The following CFAP44 variants were observed in gnomAD, a reference collection of about 807,000 sequenced individuals.
CFAP44 encodes cilia- and flagella-associated protein 44.
In CFAP44, 134 loss-of-function variants were observed where a neutral mutation model predicts 216.2. That is an observed-to-expected ratio of 0.62 (90% CI 0.54 to 0.72). CFAP44 has a LOEUF of 0.72. CFAP44 is among the 30% of genes least tolerant of loss of function. The pLI, the probability that CFAP44 is intolerant of heterozygous loss-of-function variation, is 0.00. For synonymous variants in CFAP44, 700 were observed against 727.6 expected (o/e 0.96, Z 0.61); for missense variants, 2,035 against 2,182.1 (o/e 0.93, Z 1.34).
intron 28 of CFAP44, among the ~76,000 whole-genome samples, chr3:113,309,856 G>C (rs1950022097): frequency 6.6e-6 from 1 of 152,112 alleles, no homozygotes; most frequent in Non-Finnish European, 1.5e-5. Flanking sequence ...TGGCAGCCTA[G>C]AAACACCAAC....
intron 18 of CFAP44, among the ~76,000 whole-genome samples, chr3:113,371,066 C>G (rs934227205): frequency 2.0e-4 from 30 of 152,064 alleles, no homozygotes; most frequent in African/African-American, 7.2e-4. Flanking sequence ...AACCACTGCT[C>G]AATGAAATAA....
chr3:113,381,061 C>A lies in CFAP44; in HGVS notation c.1891-1G>T. 4 of 1,535,590 alleles carry A rather than the reference C, an allele frequency of 2.6e-6. No individual in the cohort carries two copies. Among genetic ancestry groups the A allele is most frequent in the Non-Finnish European group, 3.5e-6 (4 of 1,147,188 alleles). On this transcript the variant is annotated splice_acceptor_variant, in intron 15 of 34. Coordinates refer to ENST00000393845, the MANE Select transcript of CFAP44 (RefSeq NM_001164496.2). LOFTEE classifies it high-confidence loss of function. ...AGATAATTAGTAAAGTACTTTCAGG[C>A]TAAAAAAGAAAAATTGAACATATTT...
At chr3:113,369,912 C>T (rs918424759) in intron 18 of CFAP44, among the ~76,000 whole-genome samples, 5 of 152,110 alleles carry the variant, frequency 3.3e-5, no homozygotes, top group African/African-American at 1.2e-4. Context: ...CCACTGATCC[C>T]ACAGAAATAC....
In CFAP44 at chr3:113,291,659, C is replaced by T. The variant is rs1452032338; in HGVS notation, c.5463G>A (p.Ser1821=). 7.2e-6 allele frequency: 11 copies of T among 1,537,210 alleles called. No individual in the cohort carries two copies. Among genetic ancestry groups the T allele is most frequent in the South Asian group, 4.8e-5 (4 of 84,036 alleles). Residue 1821 remains serine, a synonymous_variant, in exon 35 of 35, where the codon TCG becomes TCA. Transcript: ENST00000393845. ...ELIQLQAERI[S]ALKEEIALLR... ...AAAGAGCAATCTCCTCCTTTAAGGCCGAAATCCTTTCCGCCTGGAGTTGGA... is the reference window on the plus strand; with the variant it reads ...AAAGAGCAATCTCCTCCTTTAAGGCTGAAATCCTTTCCGCCTGGAGTTGGA...
chr3:113,324,075 T>C (rs1052512406), intron 28 of CFAP44, among the ~76,000 whole-genome samples: 2 of 146,928 alleles, frequency 1.4e-5, no homozygotes, highest in African/African-American at 5.1e-5. Flanking sequence ...AAATAGATCA[T>C]TTGAACAACC....
At chr3:113,426,537 G>A (rs923243656) in intron 3 of CFAP44, among the ~76,000 whole-genome samples, 1 of 152,168 alleles carries the variant, frequency 6.6e-6, no homozygotes, top group Admixed American at 6.5e-5. Flanking sequence ...AGAAGGACAT[G>A]TTTGCTTCCC....
intron 32 of CFAP44, among the ~76,000 whole-genome samples, chr3:113,299,122 G>A (rs1373082012): frequency 1.3e-5 from 2 of 152,124 alleles, no homozygotes; most frequent in African/African-American, 4.8e-5. Context: ...AAAGTAAAAA[G>A]ATAACTCACA....
intron 28 of CFAP44, among the ~76,000 whole-genome samples, chr3:113,323,291 G>A (rs866686541): frequency 6.6e-6 from 1 of 152,316 alleles, no homozygotes; most frequent in Middle Eastern, 3.4e-3. Flanking sequence ...CATAAAAAAA[G>A]AATGAAATCA....
chr3:113,348,224 C>T (rs543262050), intron 22 of CFAP44, among the ~76,000 whole-genome samples: 55 of 152,120 alleles, frequency 3.6e-4, no homozygotes, highest in South Asian at 4.2e-4. Context: ...AAATCAAAAC[C>T]GCGGGCGGTT....
chr3:113,359,266 G>T (rs1221383999), intron 21 of CFAP44, among the ~76,000 whole-genome samples: 1 of 152,128 alleles, frequency 6.6e-6, no homozygotes, highest in Non-Finnish European at 1.5e-5. Context: ...ACCCCACCCA[G>T]GAAAGATAGC....
At chr3:113,327,563 G>A (rs1950199295) in intron 27 of CFAP44, 53 bp downstream of exon 27, 2 of 1,447,488 alleles carry the variant, frequency 1.4e-6, no homozygotes, top group Non-Finnish European at 1.9e-6. Flanking sequence ...AAGAAATCAA[G>A]TTTCTCCATA....
intron 34 of CFAP44, among the ~76,000 whole-genome samples, chr3:113,293,425 A>G (rs907603300): frequency 1.3e-5 from 2 of 152,210 alleles, no homozygotes; most frequent in Non-Finnish European, 2.9e-5. Context: ...TGAGCTTTAG[A>G]AAGTACTGTT....
At chr3:113,304,944 TC>T in intron 31 of CFAP44, 91 bp downstream of exon 31, 1 of 1,107,360 alleles carries the variant, frequency 9.0e-7, no homozygotes, top group South Asian at 1.5e-5. Context: ...ACCACGATTC[TC>T]CCCATTAGTG....
chr3:113,366,776 C>T (rs1004816236), intron 18 of CFAP44, among the ~76,000 whole-genome samples: 2 of 152,194 alleles, frequency 1.3e-5, no homozygotes, highest in East Asian at 1.9e-4. Flanking sequence ...ACCTGGGAAG[C>T]GCAAGGGGTC....
intron 30 of CFAP44, 97 bp from the exon 31 acceptor site, chr3:113,305,249 A>C: frequency 9.7e-7 from 1 of 1,026,472 alleles, no homozygotes; most frequent in Non-Finnish European, 1.4e-6. Context: ...GTAAAGCATG[A>C]GCAGAATCTG....
chr3:113,407,577 C>G (rs1017628177), intron 7 of CFAP44, among the ~76,000 whole-genome samples: 4 of 152,152 alleles, frequency 2.6e-5, no homozygotes, highest in Non-Finnish European at 5.9e-5. Context: ...CACCCTGTGC[C>G]TTCATTTTCT....
intron 31 of CFAP44, among the ~76,000 whole-genome samples, 152 bp downstream of exon 31, chr3:113,304,884 G>A (rs1949970374): frequency 6.6e-6 from 1 of 152,168 alleles, no homozygotes; most frequent in South Asian, 2.1e-4. Flanking sequence ...ATCTGACAGT[G>A]GATAAGACAA....
At chr3:113,416,265 A>G (rs907738962) in intron 6 of CFAP44, among the ~76,000 whole-genome samples, 3 of 151,978 alleles carry the variant, frequency 2.0e-5, no homozygotes, top group African/African-American at 7.2e-5. Context: ...CTTTGCAGGT[A>G]AGATGGGTCT....
intron 23 of CFAP44, 72 bp downstream of exon 23, chr3:113,344,444 T>C: frequency 7.5e-7 from 1 of 1,337,690 alleles, no homozygotes; most frequent in South Asian, 1.3e-5. Context: ...GGTTCAATGG[T>C]TCTGTCCACA....
Sources: allele counts gnomAD v4.1 joint callset (sites outside exome capture counted in the v4.1 genomes callset), GRCh38; gene constraint gnomAD v4.1.1; transcripts MANE v1.5; gene names NCBI Gene and HGNC (gene_info 2026-07-23, HGNC 2026-07-21).